The following KIF13A variants were observed in gnomAD, a reference collection of about 807,000 sequenced individuals.
The protein encoded by KIF13A is kinesin-like protein KIF13A.
A neutral mutation model predicts 212.2 loss-of-function variants in KIF13A; 79 were observed. The observed-to-expected ratio is 0.37, with a 90% CI of 0.31 to 0.45. The LOEUF is 0.45. KIF13A is among the 20% of genes least tolerant of loss of function. The pLI is 1.00. For missense variants in KIF13A, 1,901 were observed against 2,209.0 expected (o/e 0.86, Z 2.79); for synonymous variants, 789 against 808.6 (o/e 0.98, Z 0.41).
At chr6:17,874,959 T>TTTTTTTTTTTTGA (rs1228014189) in intron 3 of KIF13A, among the ~76,000 whole-genome samples, 2 of 139,686 alleles carry the variant, frequency 1.4e-5, no homozygotes, top group East Asian at 4.1e-4. Context: ...TTCCTTTTTA[T>TTTTTTTTTTTTGA]GGCTAAGTAG....
Position 17,926,579 on chromosome 6 carries a change from A to T in KIF13A, c.147-28399T>A, listed in dbSNP as rs1775519584. ...CATGTAGGAGGTTTTTCTGATATTT[A>T]GAACAAAGTTTCACCAGCTGCTTCT... is the stretch of plus-strand genomic sequence containing the variant. On this transcript the variant is annotated intron_variant, in intron 2 of 38. Transcript: ENST00000259711. This position sits in a 1 kb window ranked among gnomAD's most constrained non-coding sequence, Gnocchi z 4.3. Among the ~76,000 whole-genome samples, 1 of 152,130 alleles carries T rather than the reference A, an allele frequency of 6.6e-6. No individual in the cohort carries two copies. Among genetic ancestry groups the T allele is most frequent in the Non-Finnish European group, 1.5e-5 (1 of 68,024 alleles).
At chr6:17,876,623 G>GCATT (rs56349524) in intron 3 of KIF13A, among the ~76,000 whole-genome samples, 64,978 of 150,582 alleles carry the variant, frequency 0.43, 14,271 homozygotes, top group Middle Eastern at 0.56. Context: ...GTGTGAGACA[G>GCATT]CATTCATTCA....
intron 16 of KIF13A, among the ~76,000 whole-genome samples, chr6:17,817,783 G>C (rs55680922): frequency 0.056 from 8,536 of 152,204 alleles, 326 homozygotes; most frequent in Middle Eastern, 0.078. Context: ...TTAAGGATAT[G>C]GTCTGGCAAT....
At chr6:17,791,292 C>T (rs1761530088) in intron 25 of KIF13A, among the ~76,000 whole-genome samples, 1 of 151,878 alleles carries the variant, frequency 6.6e-6, no homozygotes, top group Admixed American at 6.6e-5. Flanking sequence ...TGAAAATTGG[C>T]CTAAGCATTC....
chr6:17,911,316 C>T (rs1240879494), intron 2 of KIF13A, among the ~76,000 whole-genome samples: 2 of 152,170 alleles, frequency 1.3e-5, no homozygotes, highest in African/African-American at 2.4e-5. Context: ...CGCAGCCCTT[C>T]GGGTGTGCAT....
At chr6:17,978,644 C>T (rs1399919922) in intron 2 of KIF13A, among the ~76,000 whole-genome samples, 1 of 152,254 alleles carries the variant, frequency 6.6e-6, no homozygotes, top group East Asian at 1.9e-4. Context: ...ATCTTCTCTG[C>T]TCTTCTTCCA....
intron 3 of KIF13A, among the ~76,000 whole-genome samples, chr6:17,874,871 G>A (rs4716196): frequency 0.4 from 60,412 of 150,280 alleles, 13,012 homozygotes; most frequent in East Asian, 0.58. Flanking sequence ...ACAACGTTTG[G>A]TTTTCCATTC....
At chr6:17,894,223 C>T (rs961056643) in intron 3 of KIF13A, among the ~76,000 whole-genome samples, 1 of 151,752 alleles carries the variant, frequency 6.6e-6, no homozygotes, top group African/African-American at 2.4e-5. Context: ...CCTAAACTTA[C>T]CGTGCTCAAG....
chr6:17,883,934 G>A lies in KIF13A; in HGVS notation c.160-10497C>T, dbSNP rs552354910. Among the ~76,000 whole-genome samples the A allele has an allele frequency of 1.3e-5, 2 of 151,922 alleles. No homozygotes were observed. Among genetic ancestry groups the A allele is most frequent in the Non-Finnish European group, 2.9e-5 (2 of 67,974 alleles). ...CCTAGTGAGATCCCATTGCTAAAAGGAAATAATAATATTAACAAAAAAAGA... is the reference window on the plus strand; with the variant it reads ...CCTAGTGAGATCCCATTGCTAAAAGAAAATAATAATATTAACAAAAAAAGA... On this transcript the variant is annotated intron_variant, in intron 3 of 38. Coordinates refer to ENST00000259711, the MANE Select transcript of KIF13A (RefSeq NM_022113.6). This position sits in a 1 kb window ranked among gnomAD's most constrained non-coding sequence, Gnocchi z 4.8.
At chr6:17,805,648 T>A in intron 18 of KIF13A, 33 bp from the exon 19 acceptor site, 2 of 1,556,176 alleles carry the variant, frequency 1.3e-6, no homozygotes, top group Non-Finnish European at 1.7e-6. Flanking sequence ...ACAAACCCTG[T>A]TATAACTCCT....
intron 2 of KIF13A, among the ~76,000 whole-genome samples, chr6:17,910,196 T>C (rs1270798559): frequency 2.0e-5 from 3 of 152,200 alleles, no homozygotes; most frequent in African/African-American, 7.2e-5. Context: ...AGATCCAACA[T>C]TTTAAAATGT....
In KIF13A at chr6:17,855,727, T is replaced by A; in HGVS notation, c.314-110A>T. ...TGGCCATGGTAACATAGCAGAAGAG[T>A]GGCCAACTTAGCCTCAAACCCTGTT... On this transcript the variant is annotated intron_variant, in intron 5 of 38. Coordinates refer to ENST00000259711, the MANE Select transcript of KIF13A (RefSeq NM_022113.6). The surrounding 1 kb of genome is among the most constrained non-coding windows in gnomAD (Gnocchi z 4.1). 1 of 872,916 alleles carries A rather than the reference T, an allele frequency of 1.1e-6. No individual in the cohort carries two copies. Among genetic ancestry groups the A allele is most frequent in the Non-Finnish European group, 1.7e-6 (1 of 577,296 alleles). The allele number at this position is 872,916 out of a possible 1,614,324, so 54.1% of individuals were successfully genotyped here.
chr6:17,794,952 A>C lies in KIF13A; in HGVS notation c.2943-248T>G, dbSNP rs1162966973. The C allele has an allele frequency of 4.5e-6, 2 of 441,286 alleles. No homozygotes were observed. The highest frequency in any genetic ancestry group is 4.0e-5 in the African/African-American group (2 of 49,882). 27.3% of individuals were successfully genotyped at this position (441,286 alleles called of 1,614,324 possible). A position where few individuals can be genotyped will look rare whatever the true frequency, so the allele number is the denominator to read the frequency against. On this transcript the variant is annotated intron_variant, in intron 23 of 38. Transcript: ENST00000259711. This position sits in a 1 kb window ranked among gnomAD's most constrained non-coding sequence, Gnocchi z 4.1. ...GCTCGATGAGTTTTGAGAAATGCAC[A>C]TATGAGTGTAACCTGCCCTATCACC...
intron 2 of KIF13A, among the ~76,000 whole-genome samples, chr6:17,946,236 T>A (rs1237581382): frequency 6.6e-6 from 1 of 152,012 alleles, no homozygotes; most frequent in Non-Finnish European, 1.5e-5. Context: ...GGATTACAGG[T>A]ATGAGCCACC....
intron 2 of KIF13A, among the ~76,000 whole-genome samples, chr6:17,973,950 A>G (rs943853750): frequency 1.3e-5 from 2 of 152,262 alleles, no homozygotes; most frequent in Non-Finnish European, 2.9e-5. Context: ...GGTGAAGGAT[A>G]GGCAAGTACT....
rs1033352883 is a variant in KIF13A at position 17,776,894 on chromosome 6, C to T, written c.4170+383G>A. Among the ~76,000 whole-genome samples, 2 of 152,204 alleles carry T rather than the reference C, an allele frequency of 1.3e-5. No individual in the cohort carries two copies. The highest frequency in any genetic ancestry group is 2.4e-5 in the African/African-American group (1 of 41,458). On this transcript the variant is annotated intron_variant, in intron 34 of 38. Coordinates refer to ENST00000259711, the MANE Select transcript of KIF13A (RefSeq NM_022113.6). The surrounding 1 kb of genome is among the most constrained non-coding windows in gnomAD (Gnocchi z 4.6). ...ATGCAGTGGCTGACTCCTTATCACA[C>T]TGATGGTGGCAGACTCAGAGCCACC...
intron 2 of KIF13A, among the ~76,000 whole-genome samples, chr6:17,946,650 A>C (rs972492618): frequency 2.0e-5 from 3 of 152,234 alleles, no homozygotes; most frequent in Admixed American, 1.3e-4. Context: ...TACTGTCATT[A>C]TCTTATACTA....
chr6:17,768,224 C>T lies in KIF13A; in HGVS notation c.4581+2890G>A, dbSNP rs546205791. 1.8e-3 allele frequency among the ~76,000 whole-genome samples: 278 copies of T among 152,210 alleles called. 2 individuals carry two copies. The highest frequency in any genetic ancestry group is 6.2e-3 in the African/African-American group (257 of 41,528). On this transcript the variant is annotated intron_variant, in intron 38 of 38. Transcript: ENST00000259711. This position sits in a 1 kb window ranked among gnomAD's most constrained non-coding sequence, Gnocchi z 5.4. ...AAAGAAGAATAAACTAAGCACCTTC[C>T]TACAATGTCTTAAGGAAAAAGATAA...
chr6:17,773,618 A>G lies in KIF13A; in HGVS notation c.4219-35T>C, dbSNP rs750086012. The G allele has an allele frequency of 6.4e-6, 8 of 1,253,582 alleles. No homozygotes were observed. In the South Asian group the frequency reaches 6.6e-5, roughly 10 times the overall value. 77.7% of individuals were successfully genotyped at this position (1,253,582 alleles called of 1,614,324 possible). On this transcript the variant is annotated intron_variant, in intron 35 of 38. Coordinates refer to ENST00000259711, the MANE Select transcript of KIF13A (RefSeq NM_022113.6). The surrounding 1 kb of genome is among the most constrained non-coding windows in gnomAD (Gnocchi z 4.2). Reference sequence around the variant, plus strand: ...AAAAATATGGGTTAACTGTAATTGAATCACTCCAAAATAAGAAATAAAGCC... The same window carrying G: ...AAAAATATGGGTTAACTGTAATTGAGTCACTCCAAAATAAGAAATAAAGCC...
Sources: allele counts gnomAD v4.1 joint callset (sites outside exome capture counted in the v4.1 genomes callset), GRCh38; gene constraint gnomAD v4.1.1; non-coding constraint Gnocchi (gnomAD v3.1); transcripts MANE v1.5; gene names NCBI Gene and HGNC (gene_info 2026-07-23, HGNC 2026-07-21).